The following TANC2 variants were observed in gnomAD, a reference collection of about 807,000 sequenced individuals.
TANC2 encodes protein TANC2.
Under a neutral mutation model 210.5 loss-of-function variants are expected in TANC2, and 26 were observed. That is an observed-to-expected ratio of 0.12 (90% CI 0.09 to 0.17). The LOEUF (loss-of-function observed/expected upper bound fraction) is 0.17, where lower values mean the gene tolerates loss of function less well. Ranked by LOEUF, TANC2 falls within the 10% of genes least tolerant of loss-of-function variation. TANC2 has a pLI of 1.00. For synonymous variants in TANC2, 931 were observed against 967.1 expected, an observed-to-expected ratio of 0.96 and a Z score of 0.69; for missense variants, 2,129 against 2,608.9, an observed-to-expected ratio of 0.82 and a Z score of 4.01.
chr17:63,311,244 T>C (rs920639214), intron 9 of TANC2, among the ~76,000 whole-genome samples: 2 of 152,182 alleles, frequency 1.3e-5, no homozygotes, highest in Non-Finnish European at 2.9e-5. Flanking sequence ...CAATAAGATA[T>C]TGGTTAAATA....
chr17:63,364,160 C>T lies in TANC2; in HGVS notation c.2582+8770C>T, dbSNP rs73994440. Among the ~76,000 whole-genome samples, 129 of 152,232 alleles carry T rather than the reference C, an allele frequency of 8.5e-4. 1 individual carries two copies. Among genetic ancestry groups the T allele is most frequent in the African/African-American group, 2.9e-3 (120 of 41,522 alleles). Reference sequence around the variant, plus strand: ...TGTCATGGTTTTGTGATATGACAAACGGGAGGAATTACATGAACTCTAATA... The same window carrying T: ...TGTCATGGTTTTGTGATATGACAAATGGGAGGAATTACATGAACTCTAATA... On this transcript the variant is annotated intron_variant, in intron 14 of 27. Transcript: ENST00000689528.
chr17:63,113,998 A>G (rs945939840), intron 4 of TANC2, among the ~76,000 whole-genome samples: 7 of 152,218 alleles, frequency 4.6e-5, no homozygotes, highest in African/African-American at 9.7e-5. Context: ...GTATACATCT[A>G]TATCATTCAG....
chr17:63,334,156 A>G (rs1457553073), intron 11 of TANC2: 1 of 152,204 alleles, frequency 6.6e-6, no homozygotes, highest in Non-Finnish European at 1.5e-5. Flanking sequence ...ACATCAATAC[A>G]ATAATCACAA....
chr17:63,348,936 C>T (rs980584095), intron 12 of TANC2, among the ~76,000 whole-genome samples: 1 of 151,964 alleles, frequency 6.6e-6, no homozygotes, highest in Non-Finnish European at 1.5e-5. Context: ...ATTTCAGGAA[C>T]AGTTCTCATT....
At chr17:63,028,540 A>C (rs1474637775) in intron 2 of TANC2, among the ~76,000 whole-genome samples, 1 of 152,126 alleles carries the variant, frequency 6.6e-6, no homozygotes, top group Non-Finnish European at 1.5e-5. Context: ...GGCTTGTCTT[A>C]CAAGGTTGGT....
intron 4 of TANC2, among the ~76,000 whole-genome samples, chr17:63,112,339 G>A (rs2038082205): frequency 6.6e-6 from 1 of 152,210 alleles, no homozygotes; most frequent in Non-Finnish European, 1.5e-5. Context: ...CAGGAAGTAA[G>A]TGGAACCTGT....
chr17:63,295,597 G>C (rs910461063), intron 9 of TANC2, among the ~76,000 whole-genome samples: 1 of 152,170 alleles, frequency 6.6e-6, no homozygotes, highest in African/African-American at 2.4e-5. Flanking sequence ...TTCCTAAAGG[G>C]AAGTACAAAG....
chr17:63,073,858 G>C (rs2036482599), intron 2 of TANC2, 85 bp from the exon 3 acceptor site: 1 of 1,092,246 alleles, frequency 9.2e-7, no homozygotes, highest in Non-Finnish European at 1.3e-6. Flanking sequence ...GATCGATATA[G>C]TAGTTTTAAA....
intron 17 of TANC2, among the ~76,000 whole-genome samples, chr17:63,392,377 CAA>C (rs1056042457): frequency 2.0e-5 from 3 of 152,180 alleles, no homozygotes; most frequent in African/African-American, 7.2e-5. Flanking sequence ...TCTGGATTTT[CAA>C]AGTCTGCTAA....
chr17:63,411,891 G>A (rs2048714642), intron 22 of TANC2, 107 bp from the exon 23 acceptor site: 2 of 1,513,330 alleles, frequency 1.3e-6, no homozygotes, highest in Non-Finnish European at 1.8e-6. Context: ...AGCATAGCCT[G>A]GGGTAGGCCA....
intron 2 of TANC2, among the ~76,000 whole-genome samples, chr17:63,013,842 G>A (rs2033987767): frequency 6.6e-6 from 1 of 150,390 alleles, no homozygotes; most frequent in African/African-American, 2.4e-5. Context: ...TGACTCTGCG[G>A]CATGATGTCT....
chr17:63,013,198 G>T (rs527966395), intron 2 of TANC2, among the ~76,000 whole-genome samples: 1 of 151,872 alleles, frequency 6.6e-6, no homozygotes, highest in South Asian at 2.1e-4. Flanking sequence ...TTAGCCACCC[G>T]AGGAGCTGGG....
At chr17:63,057,443 T>G (rs1016714331) in intron 2 of TANC2, among the ~76,000 whole-genome samples, 1 of 152,192 alleles carries the variant, frequency 6.6e-6, no homozygotes, top group African/African-American at 2.4e-5. Context: ...AAACTTTTAT[T>G]TTAGGTCTAG....
chr17:63,365,529 C>T (rs1224863292), intron 14 of TANC2, among the ~76,000 whole-genome samples: 1 of 152,204 alleles, frequency 6.6e-6, no homozygotes, highest in Non-Finnish European at 1.5e-5. Context: ...TAACCTCTTC[C>T]TGAAAATCCT....
chr17:63,307,608 G>T (rs2044964968), intron 9 of TANC2, among the ~76,000 whole-genome samples: 2 of 152,190 alleles, frequency 1.3e-5, no homozygotes, highest in Admixed American at 1.3e-4. Context: ...TTCAGGGCTT[G>T]TATGAGTATA....
chr17:63,034,205 A>G lies in TANC2; in HGVS notation c.67+24579A>G, dbSNP rs530325550. On this transcript the variant is annotated intron_variant, in intron 2 of 27. Transcript: ENST00000689528. ...AGGCTGACTCTCTTGTTAGGGGCTA[A>G]TGCAGCTGGTGACTTTAAATTGAAG... Among the ~76,000 whole-genome samples, 7 of 152,312 alleles carry G rather than the reference A, an allele frequency of 4.6e-5. No homozygotes were observed. The South Asian group carries it at 1.0e-3, about 23-fold the overall frequency.
intron 15 of TANC2, among the ~76,000 whole-genome samples, chr17:63,387,715 A>G (rs949557356): frequency 3.3e-5 from 5 of 152,238 alleles, no homozygotes; most frequent in Non-Finnish European, 5.9e-5. Context: ...GAGAGTGTCT[A>G]ACAATCAGGA....
chr17:63,163,556 T>TA (rs2040101605), intron 5 of TANC2, among the ~76,000 whole-genome samples: 2 of 152,212 alleles, frequency 1.3e-5, no homozygotes, highest in African/African-American at 4.8e-5. Flanking sequence ...GAAAGTAACT[T>TA]ACTATATACT....
At position 63,378,033 on chromosome 17, in the gene TANC2, G is replaced by A. The variant is rs191835220; in HGVS notation, c.2583-1685G>A. ...TCCCACCAAGTCCCTCCCATGACAC[G>A]TGGGGATTATGGGGGTTACAATTCA... On this transcript the variant is annotated intron_variant, in intron 14 of 27. Transcript: ENST00000689528. Among the ~76,000 whole-genome samples the A allele has an allele frequency of 2.3e-3, 354 of 152,224 alleles. 3 individuals carry two copies. Among genetic ancestry groups the A allele is most frequent in the Non-Finnish European group, 1.2e-3 (79 of 68,012 alleles).
Sources: allele counts gnomAD v4.1 joint callset (sites outside exome capture counted in the v4.1 genomes callset), GRCh38; gene constraint gnomAD v4.1.1; transcripts MANE v1.5; gene names NCBI Gene and HGNC (gene_info 2026-07-23, HGNC 2026-07-21).